The following KCNK2 variants were observed in gnomAD, a reference collection of about 807,000 sequenced individuals.
The protein encoded by KCNK2 is potassium two pore domain channel subfamily K member 2.
A neutral mutation model predicts 40.5 loss-of-function variants in KCNK2; 21 were observed. That is an observed-to-expected ratio of 0.52 (90% CI 0.37 to 0.75). The LOEUF is 0.75. Ranked by LOEUF, KCNK2 falls within the 30% of genes least tolerant of loss-of-function variation. KCNK2 has a pLI of 0.00. For missense variants in KCNK2, 399 were observed against 531.6 expected (o/e 0.75, Z 2.45); for synonymous variants, 191 against 202.2 (o/e 0.94, Z 0.47).
At chr1:215,011,901 C>T (rs1226852825) in intron 1 of KCNK2, among the ~76,000 whole-genome samples, 3 of 144,786 alleles carry the variant, frequency 2.1e-5, no homozygotes, top group Admixed American at 7.3e-5. Flanking sequence ...TCACCGTGCC[C>T]GGCCTTGAGT....
intron 1 of KCNK2, among the ~76,000 whole-genome samples, chr1:215,011,300 CT>C (rs1340422843): frequency 6.6e-6 from 1 of 151,914 alleles, no homozygotes; most frequent in Non-Finnish European, 1.5e-5. Flanking sequence ...AGTCTGATTT[CT>C]TTTTTTGTTG....
chr1:215,035,046 T>C lies in KCNK2; in HGVS notation c.34+29091T>C, dbSNP rs779747412. On this transcript the variant is annotated intron_variant, in intron 1 of 6. Coordinates refer to the KCNK2 transcript ENST00000391895. ...TTGTTCACTTCTAGTATACAAATAG[T>C]TTCAAATTTGCTAACTCCTACCCCT... Among the ~76,000 whole-genome samples the C allele has an allele frequency of 7.9e-5, 12 of 152,076 alleles. 1 individual carries two copies.
At chr1:215,158,161 C>T (rs1343183180) in intron 3 of KCNK2, among the ~76,000 whole-genome samples, 1 of 152,144 alleles carries the variant, frequency 6.6e-6, no homozygotes, top group East Asian at 1.9e-4. Flanking sequence ...AGGGTTCTAT[C>T]AGGATCCCTC....
chr1:215,066,057 T>C (rs1378576174), intron 1 of KCNK2, among the ~76,000 whole-genome samples: 1 of 151,772 alleles, frequency 6.6e-6, no homozygotes, highest in African/African-American at 2.4e-5. Flanking sequence ...TAAGTGAGAG[T>C]TGAACAGTGA....
In KCNK2 at chr1:215,181,455, C is replaced by A. The variant is rs544827234; in HGVS notation, c.823+9272C>A. 6.3e-4 allele frequency among the ~76,000 whole-genome samples: 96 copies of A among 152,242 alleles called. 1 individual carries two copies. The highest frequency in any genetic ancestry group is 2.1e-3 in the African/African-American group (89 of 41,548). On this transcript the variant is annotated intron_variant, in intron 5 of 6. Transcript: ENST00000444842. Reference sequence around the variant, plus strand: ...TTTTCATGGTGCCAGAATTCTTGCCCTGGTTCTTTCTCATCTGGAGACACT... The same window carrying A: ...TTTTCATGGTGCCAGAATTCTTGCCATGGTTCTTTCTCATCTGGAGACACT...
rs1176551350 is a variant in KCNK2 at position 215,103,877 on chromosome 1, T to TATC, written c.357+17199_357+17200insATC. On this transcript the variant is annotated intron_variant, in intron 2 of 6. Coordinates refer to ENST00000444842, the MANE Select transcript of KCNK2 (RefSeq NM_001017425.3). ...TGTTTTATTCCCTATCGTTTTCCCCTGATTCAGGATTAAATTGCTTCAGAT... is the reference window on the plus strand; with the variant it reads ...TGTTTTATTCCCTATCGTTTTCCCCTATCGATTCAGGATTAAATTGCTTCAGAT... Among the ~76,000 whole-genome samples, 32 of 152,176 alleles carry TATC rather than the reference T, an allele frequency of 2.1e-4. No individual in the cohort carries two copies. The Middle Eastern group carries it at 0.01, about 49-fold the overall frequency.
intron 6 of KCNK2, among the ~76,000 whole-genome samples, chr1:215,200,390 C>T (rs1665034632): frequency 6.6e-6 from 1 of 152,164 alleles, no homozygotes; most frequent in South Asian, 2.1e-4. Context: ...GGCTCTTTAT[C>T]TTTGCCAGAG....
At chr1:215,027,346 G>A (rs186281824) in intron 1 of KCNK2, among the ~76,000 whole-genome samples, 66 of 152,030 alleles carry the variant, frequency 4.3e-4, no homozygotes, top group African/African-American at 1.4e-3. Context: ...TCTTTCTATC[G>A]TTTCGATGTT....
chr1:215,099,078 C>T (rs1250285063), intron 2 of KCNK2, among the ~76,000 whole-genome samples: 2 of 151,904 alleles, frequency 1.3e-5, no homozygotes, highest in African/African-American at 4.8e-5. Context: ...GAACTTACAT[C>T]ATGGGTGTTT....
intron 6 of KCNK2, among the ~76,000 whole-genome samples, chr1:215,207,666 C>T (rs1320965155): frequency 1.3e-5 from 2 of 152,188 alleles, no homozygotes; most frequent in Non-Finnish European, 2.9e-5. Context: ...GGTTTTACTA[C>T]ACTGATAAAT....
intron 1 of KCNK2, among the ~76,000 whole-genome samples, chr1:215,022,575 C>T (rs1656843567): frequency 6.6e-6 from 1 of 152,126 alleles, no homozygotes; most frequent in Admixed American, 6.5e-5. Flanking sequence ...TGCTATCATG[C>T]CAAGGAGGGC....
chr1:215,032,550 T>G (rs1404853390), intron 1 of KCNK2, among the ~76,000 whole-genome samples: 1 of 152,204 alleles, frequency 6.6e-6, no homozygotes, highest in East Asian at 1.9e-4. Context: ...AATACTTCTT[T>G]TAACACTTGC....
rs906607518 is a variant in KCNK2 at position 215,089,331 on chromosome 1, G to T, written c.357+2653G>T. On this transcript the variant is annotated intron_variant, in intron 2 of 6. Coordinates refer to ENST00000444842, the MANE Select transcript of KCNK2 (RefSeq NM_001017425.3). ...GAGCTTACCTTCTTTCAGTGCTGAGGGGGGAAACAGTTGGAGTAGTTAGCA... is the reference window on the plus strand; with the variant it reads ...GAGCTTACCTTCTTTCAGTGCTGAGTGGGGAAACAGTTGGAGTAGTTAGCA... Among the ~76,000 whole-genome samples, 7 of 152,156 alleles carry T rather than the reference G, an allele frequency of 4.6e-5. No homozygotes were observed. In the East Asian group the frequency reaches 1.3e-3, roughly 29 times the overall value.
intron 5 of KCNK2, among the ~76,000 whole-genome samples, chr1:215,184,857 C>T (rs903135808): frequency 3.3e-5 from 5 of 151,818 alleles, no homozygotes; most frequent in African/African-American, 1.2e-4. Context: ...AGTATGTGGC[C>T]CTCATGATCT....
intron 3 of KCNK2, among the ~76,000 whole-genome samples, chr1:215,165,179 T>C (rs945001260): frequency 5.3e-5 from 8 of 152,188 alleles, no homozygotes; most frequent in Non-Finnish European, 1.5e-5. Context: ...TTCCATAGCT[T>C]GCACCAATTG....
chr1:215,067,931 G>T (rs1384835805), intron 1 of KCNK2, among the ~76,000 whole-genome samples: 16 of 152,012 alleles, frequency 1.1e-4, no homozygotes. Context: ...GTTAGTGAGA[G>T]ATCCTCAAAA....
intron 2 of KCNK2, among the ~76,000 whole-genome samples, chr1:215,101,590 G>A (rs1384728256): frequency 6.6e-6 from 1 of 151,980 alleles, no homozygotes; most frequent in Non-Finnish European, 1.5e-5. Flanking sequence ...GGCTTTAGGT[G>A]CAATGGGAAG....
intron 5 of KCNK2, among the ~76,000 whole-genome samples, chr1:215,176,461 C>T (rs1332860280): frequency 6.6e-6 from 1 of 152,020 alleles, no homozygotes; most frequent in African/African-American, 2.4e-5. Flanking sequence ...AGCCCAGAAT[C>T]TATTAGCTAT....
intron 1 of KCNK2, among the ~76,000 whole-genome samples, chr1:215,038,807 C>G (rs1364815460): frequency 6.6e-6 from 1 of 151,986 alleles, no homozygotes; most frequent in Admixed American, 6.6e-5. Flanking sequence ...CATTTTATTC[C>G]CAGCACTTCT....
Sources: allele counts gnomAD v4.1 joint callset (sites outside exome capture counted in the v4.1 genomes callset), GRCh38; gene constraint gnomAD v4.1.1; transcripts MANE v1.5; gene names NCBI Gene and HGNC (gene_info 2026-07-23, HGNC 2026-07-21).